Variants in ADGRV1 observed in about 807,000 individuals in gnomAD.
ADGRV1 encodes the protein adhesion G protein-coupled receptor V1.
Under a neutral mutation model 596.2 loss-of-function variants are expected in ADGRV1, and 359 were observed. The observed-to-expected ratio is 0.60, with a 90% CI of 0.55 to 0.66. The LOEUF is 0.66. Ranked by LOEUF, ADGRV1 falls within the 30% of genes least tolerant of loss-of-function variation. The probability of loss-of-function intolerance (pLI) is 0.00; values close to 1 mark genes in which losing one functional copy is unlikely to be tolerated. For synonymous variants in ADGRV1, 2,681 were observed against 2,679.2 expected, an observed-to-expected ratio of 1.00 and a Z score of -0.02; for missense variants, 7,274 against 7,575.6, an observed-to-expected ratio of 0.96 and a Z score of 1.48.
intron 3 of ADGRV1, among the ~76,000 whole-genome samples, chr5:90,618,794 T>G (rs1310638914): frequency 6.6e-6 from 1 of 151,898 alleles, no homozygotes; most frequent in Non-Finnish European, 1.5e-5. Flanking sequence ...ATAGTAATTA[T>G]AACTAATTTA....
At chr5:90,782,736 A>G (rs891112553) in intron 65 of ADGRV1, among the ~76,000 whole-genome samples, 2 of 152,134 alleles carry the variant, frequency 1.3e-5, no homozygotes, top group African/African-American at 2.4e-5. Flanking sequence ...TTATATTTCA[A>G]TTGAATGTGT....
At chr5:90,844,596 C>G (rs1005468085) in intron 78 of ADGRV1, among the ~76,000 whole-genome samples, 1 of 152,132 alleles carries the variant, frequency 6.6e-6, no homozygotes, top group Admixed American at 6.5e-5. Flanking sequence ...CAGTCTAAAA[C>G]CCCCCTGAAT....
At position 90,651,608 on chromosome 5, in the gene ADGRV1, T is replaced by C. The variant is rs760050936; in HGVS notation, c.3294T>C (p.Asp1098=). 1.9e-6 allele frequency: 3 copies of C among 1,563,482 alleles called. No homozygotes were observed. Among genetic ancestry groups the C allele is most frequent in the Admixed American group, 3.4e-5 (2 of 58,504 alleles). Residue 1098 remains aspartate, a synonymous_variant, in exon 18 of 90, where the codon GAT becomes GAC. Transcript: ENST00000405460. The part of the protein sequence containing the change: ...FYIILLNSTG[D]TVVYQYGVAT... ...TCTTTTCCACTTTTAATTTAGGTGA[T>C]ACAGTAGTATATCAATATGGAGTAG... is the stretch of plus-strand genomic sequence containing the variant.
chr5:90,697,019 G>A lies in ADGRV1; in HGVS notation c.8028G>A (p.Val2676=). Residue 2676 remains valine (V), a synonymous_variant, in exon 34 of 90, where the codon GTG becomes GTA. Coordinates refer to ENST00000405460, the MANE Select transcript of ADGRV1 (RefSeq NM_032119.4). ...ACGAAAGTATCATAGTTAGTTTGGTGTACACTGAAGGTGGAAGTAGAATTT... is the reference window on the plus strand; with the variant it reads ...ACGAAAGTATCATAGTTAGTTTGGTATACACTGAAGGTGGAAGTAGAATTT... The part of the protein sequence containing the change: ...EDDESIIVSL[V]YTEGGSRILP... 1 of 1,613,250 alleles carries A rather than the reference G, an allele frequency of 6.2e-7. No individual in the cohort carries two copies. Among genetic ancestry groups the A allele is most frequent in the Non-Finnish European group, 8.5e-7 (1 of 1,179,414 alleles).
chr5:90,994,988 G>C (rs1781295093), intron 85 of ADGRV1, among the ~76,000 whole-genome samples: 1 of 152,186 alleles, frequency 6.6e-6, no homozygotes, highest in African/African-American at 2.4e-5. Context: ...AAGTCAACCA[G>C]TGGTAAGAGA....
chr5:90,759,802 T>G (rs1397809789), intron 58 of ADGRV1: 1 of 486,234 alleles, frequency 2.1e-6, no homozygotes, highest in African/African-American at 2.0e-5. Flanking sequence ...CCGTCTCTAC[T>G]GAAAGTACAA....
At chr5:91,117,755 T>C (rs1363055434) in intron 87 of ADGRV1, among the ~76,000 whole-genome samples, 1 of 152,202 alleles carries the variant, frequency 6.6e-6, no homozygotes, top group African/African-American at 2.4e-5. Context: ...CATAGTTAAA[T>C]GCTAAACTGA....
chr5:90,653,326 G>C lies in ADGRV1; in HGVS notation c.3752G>C (p.Arg1251Thr). 1 of 1,613,960 alleles carries C rather than the reference G, an allele frequency of 6.2e-7. No individual in the cohort carries two copies. Among genetic ancestry groups the C allele is most frequent in the Non-Finnish European group, 8.5e-7 (1 of 1,179,882 alleles). ...VFILDPECLEREVAEDVLSED... is the reference protein window; with the variant it reads ...VFILDPECLETEVAEDVLSED... ...ATCTTGGATCCAGAGTGTTTAGAGA[G>C]AGAAGTGGCAGAAGATGTCCTGTCT... is the stretch of plus-strand genomic sequence containing the variant. The change falls in exon 20 of 90, where the codon AGA (arginine) becomes ACA (threonine). Residue 1251 changes from arginine (R) to threonine (T), a missense_variant. Coordinates refer to ENST00000405460, the MANE Select transcript of ADGRV1 (RefSeq NM_032119.4).
intron 85 of ADGRV1, among the ~76,000 whole-genome samples, chr5:91,021,899 A>G (rs1783661149): frequency 6.6e-6 from 1 of 152,102 alleles, no homozygotes; most frequent in South Asian, 2.1e-4. Flanking sequence ...GTGAGCAAAG[A>G]TATACATCCG....
chr5:90,942,852 G>C (rs1581587895), intron 83 of ADGRV1, among the ~76,000 whole-genome samples: 1 of 152,232 alleles, frequency 6.6e-6, no homozygotes, highest in East Asian at 1.9e-4. Flanking sequence ...GGGAGTCTTG[G>C]AGCTTTTTAG....
intron 75 of ADGRV1, 64 bp from the exon 76 acceptor site, chr5:90,823,361 T>G (rs1763772281): frequency 1.3e-6 from 2 of 1,495,752 alleles, no homozygotes; most frequent in Admixed American, 3.9e-5. Flanking sequence ...TATTTGATAA[T>G]AAACTCTATT....
intron 1 of ADGRV1, among the ~76,000 whole-genome samples, chr5:90,559,570 A>C (rs535801664): frequency 6.6e-6 from 1 of 152,278 alleles, no homozygotes; most frequent in East Asian, 1.9e-4. Flanking sequence ...TCGTCAGGGG[A>C]AAATTGATTT....
At chr5:90,777,111 C>T (rs976400448) in intron 61 of ADGRV1, among the ~76,000 whole-genome samples, 14 of 152,088 alleles carry the variant, frequency 9.2e-5, no homozygotes, top group African/African-American at 3.1e-4. Flanking sequence ...GGAAGCATGG[C>T]TGGGGAGGCC....
At chr5:91,136,060 G>A (rs1386800185) in intron 87 of ADGRV1, among the ~76,000 whole-genome samples, 1 of 152,102 alleles carries the variant, frequency 6.6e-6, no homozygotes, top group East Asian at 1.9e-4. Context: ...CTTGGAGTGG[G>A]GAATCTGAGG....
chr5:90,944,471 A>G, intron 83 of ADGRV1, among the ~76,000 whole-genome samples: 1 of 152,338 alleles, frequency 6.6e-6, no homozygotes, highest in East Asian at 1.9e-4. Flanking sequence ...AGAGAGAATT[A>G]TAAAAGAGAT....
chr5:91,057,370 A>G (rs1367313832), intron 85 of ADGRV1, among the ~76,000 whole-genome samples: 1 of 152,262 alleles, frequency 6.6e-6, no homozygotes, highest in Non-Finnish European at 1.5e-5. Flanking sequence ...TCCACAATTA[A>G]GAAGTTTGGC....
At chr5:90,878,279 T>G (rs533394851) in intron 83 of ADGRV1, among the ~76,000 whole-genome samples, 4 of 152,290 alleles carry the variant, frequency 2.6e-5, no homozygotes, top group African/African-American at 9.6e-5. Context: ...GTCACTGATA[T>G]TTGATTTACT....
chr5:90,861,604 C>CGGCT (rs113411222), intron 82 of ADGRV1, among the ~76,000 whole-genome samples: 4,440 of 152,134 alleles, frequency 0.029, 120 homozygotes, highest in South Asian at 0.15. Flanking sequence ...CCACCATGCC[C>CGGCT]GGCTATACTT....
At chr5:90,782,359 A>G (rs997445718) in intron 65 of ADGRV1, among the ~76,000 whole-genome samples, 4 of 152,086 alleles carry the variant, frequency 2.6e-5, no homozygotes, top group African/African-American at 9.7e-5. Context: ...AAATCATATT[A>G]CATTTTTGCA....
Sources: gnomAD v4.1 joint callset for allele counts (sites outside exome capture counted in the v4.1 genomes callset) on GRCh38, gnomAD v4.1.1 for gene constraint, MANE v1.5 for transcripts, NCBI Gene and HGNC (gene_info 2026-07-23, HGNC 2026-07-21) for gene names.